LAMB3: variants seen among roughly 807,000 people sequenced by gnomAD.
The protein encoded by LAMB3 is laminin subunit beta-3.
Under a neutral mutation model 140.3 loss-of-function variants are expected in LAMB3, and 104 were observed. The ratio of observed to expected loss-of-function variants is 0.74; its 90% CI spans 0.63 to 0.87. LAMB3 has a LOEUF of 0.87. Ranked by LOEUF, LAMB3 falls within the 40% of genes least tolerant of loss-of-function variation. The probability of loss-of-function intolerance (pLI) is 0.00; values close to 1 mark genes in which losing one functional copy is unlikely to be tolerated. For missense variants in LAMB3, 1,531 were observed against 1,575.2 expected (o/e 0.97, Z 0.47); for synonymous variants, 592 against 602.9 (o/e 0.98, Z 0.26).
rs550241302 is a variant in LAMB3, at chr1:209,618,199, A to G, written c.2910-151T>C. 7.0e-4 allele frequency: 738 copies of G among 1,057,276 alleles called. 4 individuals are homozygous for G. Among genetic ancestry groups the G allele is most frequent in the Middle Eastern group, 6.4e-3 (22 of 3,436 alleles). 65.5% of individuals were successfully genotyped at this position (1,057,276 alleles called of 1,614,324 possible). On this transcript the variant is annotated intron_variant, in intron 19 of 22. Coordinates refer to ENST00000356082, the MANE Select transcript of LAMB3 (RefSeq NM_000228.3). ...ATTAACTCAGTAGCTTTGATGTCCC[A>G]GGACCCCACCAAGCAGACGTGATGA...
chr1:209,615,470 C>A lies in LAMB3; in HGVS notation c.3383-63G>T, dbSNP rs148986703. The A allele has an allele frequency of 8.9e-5, 134 of 1,513,308 alleles. No individual in the cohort carries two copies. The African/African-American group carries it at 1.7e-3, about 19-fold the overall frequency. The allele number at this position is 1,513,308 out of a possible 1,614,324, so 93.7% of individuals were successfully genotyped here. A position where few individuals can be genotyped will look rare whatever the true frequency, so the allele number is the denominator to read the frequency against. On this transcript the variant is annotated intron_variant, in intron 22 of 22. Coordinates refer to ENST00000356082, the MANE Select transcript of LAMB3 (RefSeq NM_000228.3). Reference sequence around the variant, plus strand: ...TGGTGAGACTCCCCAAGACTCCCAACCCTTCCTTCCCCTCCTGCTAACTGG... The same window carrying A: ...TGGTGAGACTCCCCAAGACTCCCAAACCTTCCTTCCCCTCCTGCTAACTGG...
chr1:209,625,238 G>A (rs536611404), intron 14 of LAMB3, among the ~76,000 whole-genome samples: 1 of 152,184 alleles, frequency 6.6e-6, no homozygotes, highest in Non-Finnish European at 1.5e-5. Context: ...GTGGGATGGG[G>A]GTGTGGGCGG....
In LAMB3 at chr1:209,634,638, C is replaced by T; in HGVS notation, c.373G>A (p.Gly125Arg). 1.2e-6 allele frequency: 2 copies of T among 1,612,238 alleles called. No individual in the cohort carries two copies. The highest frequency in any genetic ancestry group is 1.7e-6 in the Non-Finnish European group (2 of 1,179,152). ...ATCAGCATGCCGGCGGGCATGGGCC[C>T]CTGTGGAGACAGGGGCAGTGTGCAG... ...QLQEVMMEFQ[G>R]PMPAGMLIER... Residue 125 changes from glycine (G) to arginine (R), a missense_variant and splice_region_variant, in exon 6 of 23, where the codon GGG (glycine) becomes AGG (arginine). Gly to Arg is a moderately radical substitution (Grantham distance 125). Coordinates refer to ENST00000356082, the MANE Select transcript of LAMB3 (RefSeq NM_000228.3).
At chr1:209,627,257 G>C (rs1262613893) in intron 12 of LAMB3, 126 bp downstream of exon 12, 1 of 801,906 alleles carries the variant, frequency 1.2e-6, no homozygotes, top group Non-Finnish European at 2.0e-6. Flanking sequence ...AATGAGAACG[G>C]GGACAGAAGA....
chr1:209,615,469 A>C (rs1665924288), intron 22 of LAMB3, 62 bp from the exon 23 acceptor site: 4 of 1,521,732 alleles, frequency 2.6e-6, no homozygotes, highest in Non-Finnish European at 3.5e-6. Flanking sequence ...AAGACTCCCA[A>C]CCCTTCCTTC....
At chr1:209,645,722 G>GAAAAAAAA (rs36106096) in intron 3 of LAMB3, among the ~76,000 whole-genome samples, 13 of 137,408 alleles carry the variant, frequency 9.5e-5, no homozygotes, top group East Asian at 4.2e-4. Context: ...TGTCCCAGGG[G>GAAAAAAAA]AAAAAAAAAA....
chr1:209,626,139 A>G, intron 13 of LAMB3, 113 bp from the exon 14 acceptor site: 1 of 1,174,628 alleles, frequency 8.5e-7, no homozygotes, highest in African/African-American at 1.5e-5. Flanking sequence ...ATGACTTAGA[A>G]TAACAGAAGT....
At chr1:209,648,306 G>A (rs1161380753) in intron 3 of LAMB3, among the ~76,000 whole-genome samples, 1 of 152,118 alleles carries the variant, frequency 6.6e-6, no homozygotes, top group Non-Finnish European at 1.5e-5. Context: ...GCTTACACAG[G>A]GGTAATCTCT....
chr1:209,624,810 C>T (rs12090288), intron 14 of LAMB3, among the ~76,000 whole-genome samples: 4,871 of 151,288 alleles, frequency 0.032, 281 homozygotes, highest in East Asian at 0.27. Flanking sequence ...ATTTCAATAT[C>T]CCCAATGCCT....
intron 12 of LAMB3, among the ~76,000 whole-genome samples, 153 bp downstream of exon 12, chr1:209,627,230 A>G (rs1042506137): frequency 6.6e-6 from 1 of 152,182 alleles, no homozygotes; most frequent in Non-Finnish European, 1.5e-5. Context: ...AGGGAGGGAC[A>G]TCTGGTGACT....
chr1:209,622,390 C>T, intron 18 of LAMB3, 146 bp downstream of exon 18: 1 of 947,490 alleles, frequency 1.1e-6, no homozygotes, highest in Non-Finnish European at 1.7e-6. Context: ...ACGAGAAGGT[C>T]ATGGCCATGG....
intron 8 of LAMB3, among the ~76,000 whole-genome samples, chr1:209,631,259 A>G (rs1171552508): frequency 1.3e-5 from 2 of 152,258 alleles, no homozygotes; most frequent in East Asian, 3.8e-4. Context: ...TTGGCATTCA[A>G]GGACCTGTAT....
At chr1:209,634,917 TTCTCTCTCTC>T (rs59855467) in intron 5 of LAMB3, among the ~76,000 whole-genome samples, 143 of 136,120 alleles carry the variant, frequency 1.1e-3, no homozygotes, top group South Asian at 8.8e-3. Context: ...CCATTTTTTA[TTCTCTCTCTC>T]TCTCTCTCTC....
Position 209,638,667 on chromosome 1 carries a change from G to T in LAMB3, c.184-19C>A. ...TCTGCCACTGTGGGAGAGGGAGATA[G>T]CAGACACTCAGAGGTGGGGTCCTGA... On this transcript the variant is annotated intron_variant, in intron 3 of 22. Coordinates refer to ENST00000356082, the MANE Select transcript of LAMB3 (RefSeq NM_000228.3). The T allele has an allele frequency of 6.5e-7, 1 of 1,531,092 alleles. No individual in the cohort carries two copies. Among genetic ancestry groups the T allele is most frequent in the Non-Finnish European group, 9.1e-7 (1 of 1,104,556 alleles). 94.8% of individuals were successfully genotyped at this position (1,531,092 alleles called of 1,614,324 possible).
At chr1:209,638,784 AGG>A in intron 3 of LAMB3, 136 bp from the exon 4 acceptor site, 1 of 693,444 alleles carries the variant, frequency 1.4e-6, no homozygotes, top group South Asian at 1.5e-5. Flanking sequence ...TACAATTTGA[AGG>A]GTTAATCTCT....
At chr1:209,651,142 A>C in intron 1 of LAMB3, 161 bp from the exon 2 acceptor site, 1 of 651,836 alleles carries the variant, frequency 1.5e-6, no homozygotes, top group Non-Finnish European at 2.8e-6. Flanking sequence ...AGCTTGGAAA[A>C]TGCTGGAGCT....
chr1:209,622,541 A>G lies in LAMB3; in HGVS notation c.2696T>C (p.Leu899Pro). The G allele has an allele frequency of 6.2e-7, 1 of 1,613,838 alleles. No individual in the cohort carries two copies. Among genetic ancestry groups the G allele is most frequent in the Non-Finnish European group, 8.5e-7 (1 of 1,179,966 alleles). ...RLLIQQVRDF[L>P]TDPDTDAATI... is the part of the protein sequence containing the mutation. ...GGGGTGGAGACTGGGCTCACCTGTT[A>G]GGAAGTCCCGGACCTGCTGGATTAG... Residue 899 changes from leucine to proline, a missense_variant, in exon 18 of 23, where the codon CTA (leucine) becomes CCA (proline). Leu to Pro is a moderately conservative substitution (Grantham distance 98). Transcript: ENST00000356082.
At chr1:209,647,284 A>G (rs2236900) in intron 3 of LAMB3, among the ~76,000 whole-genome samples, 39,989 of 152,172 alleles carry the variant, frequency 0.26, 5,548 homozygotes, top group Admixed American at 0.38. Flanking sequence ...TGGTCCACAA[A>G]AAGGAAGCCA....
chr1:209,649,709 G>C (rs2076548129), intron 3 of LAMB3, among the ~76,000 whole-genome samples: 1 of 152,218 alleles, frequency 6.6e-6, no homozygotes. Flanking sequence ...ACTGAGAAAA[G>C]ACTCCGTGTC....
Sources: allele counts gnomAD v4.1 joint callset (sites outside exome capture counted in the v4.1 genomes callset), GRCh38; gene constraint gnomAD v4.1.1; transcripts MANE v1.5; gene names NCBI Gene and HGNC (gene_info 2026-07-23, HGNC 2026-07-21).